SEMA6C: variants seen among roughly 807,000 people sequenced by gnomAD.
SEMA6C encodes the protein semaphorin-6C.
SEMA6C carries 37 observed loss-of-function variants against 72.9 expected under a neutral mutation model. The observed-to-expected ratio is 0.51, with a 90% confidence interval of 0.39 to 0.67. The LOEUF (loss-of-function observed/expected upper bound fraction) is 0.67. Among genes scored for constraint, SEMA6C ranks in the 30% least tolerant of loss-of-function variants. The probability of loss-of-function intolerance (pLI) is 0.00; values close to 1 mark genes in which losing one functional copy is unlikely to be tolerated. For missense variants in SEMA6C, 1,189 were observed against 1,263.6 expected, an observed-to-expected ratio of 0.94 and a Z score of 0.89; for synonymous variants, 578 against 554.1, an observed-to-expected ratio of 1.04 and a Z score of -0.61.
intron 10 of SEMA6C, 112 bp downstream of exon 10, chr1:151,137,599 C>T: frequency 1.1e-6 from 1 of 872,694 alleles, no homozygotes; most frequent in South Asian, 1.6e-5. Context: ...GGGTGAGAGT[C>T]CAGGGGATTG....
intron 11 of SEMA6C, 131 bp from the exon 12 acceptor site, chr1:151,136,710 C>A: frequency 7.3e-7 from 1 of 1,373,662 alleles, no homozygotes; most frequent in South Asian, 1.3e-5. Flanking sequence ...CCACTGGGTG[C>A]CACACTAGGA....
chr1:151,139,425 C>T lies in SEMA6C; in HGVS notation c.354G>A (p.Thr118=), dbSNP rs199682535. 3.9e-4 allele frequency: 623 copies of T among 1,613,276 alleles called. No homozygotes were observed. The highest frequency in any genetic ancestry group is 5.1e-4 in the Non-Finnish European group (597 of 1,179,310). The change falls in exon 6 of 19, where the codon ACG becomes ACA. Residue 118 remains threonine, a splice_region_variant and synonymous_variant. Coordinates refer to ENST00000368914, the MANE Select transcript of SEMA6C (RefSeq NM_030913.6). The part of the protein sequence containing the change: ...VENCAVRGKL[T]DECYNYIRVL... ...TCCACATTCTCGTCTCACTCCTTAC[C>T]GTCAGCTTTCCCCGTACAGCACAGT...
At chr1:151,144,649 G>A (rs1682804027) in intron 1 of SEMA6C, among the ~76,000 whole-genome samples, 1 of 152,146 alleles carries the variant, frequency 6.6e-6, no homozygotes, top group Non-Finnish European at 1.5e-5. Context: ...GAAGGGGATG[G>A]CCCCTTTCTA....
chr1:151,132,813 C>T lies in SEMA6C; in HGVS notation c.2464G>A (p.Val822Met). 4.6e-6 allele frequency: 6 copies of T among 1,313,318 alleles called. No individual in the cohort carries two copies. The South Asian group carries it at 6.0e-5, about 13-fold the overall frequency. 81.4% of individuals were successfully genotyped at this position (1,313,318 alleles called of 1,614,324 possible). The change falls in exon 19 of 19, where the codon GTG (valine) becomes ATG (methionine). Residue 822 changes from valine (V) to methionine (M), a missense_variant. Around this residue, in one of 2 missense-constraint regions of SEMA6C, gnomAD observed 721 missense variants for 686.2 expected, o/e 1.05. Transcript: ENST00000368914. Reference sequence around the variant, plus strand: ...GAGGCGCACCTGCCCTCGGGGGGCACGTCCAGCCTCAGCGGCGAGGCGCAC... The same window carrying T: ...GAGGCGCACCTGCCCTCGGGGGGCATGTCCAGCCTCAGCGGCGAGGCGCAC... ...HECASPLRLD[V>M]PPEGRCASAP... is the part of the protein sequence containing the mutation.
In SEMA6C at chr1:151,135,203, G is replaced by A. The variant is rs375997813; in HGVS notation, c.1540C>T (p.Leu514Phe). ...TGCCGGGCACACCGGCTGAGAGGGA[G>A]GTAGACAATACAGCCAGAAAAAGCC... ...FVAFSGCIVY[L>F]PLSRCARHGA... Residue 514 changes from leucine (L) to phenylalanine (F), a missense_variant, in exon 15 of 19, where the codon CTC becomes TTC. By Grantham distance (22) the Leu-to-Phe change is conservative (BLOSUM62 0). Around this residue, in one of 2 missense-constraint regions of SEMA6C, gnomAD observed 721 missense variants for 686.2 expected, o/e 1.05. Coordinates refer to ENST00000368914, the MANE Select transcript of SEMA6C (RefSeq NM_030913.6). 10 of 1,614,036 alleles carry A rather than the reference G, an allele frequency of 6.2e-6. No homozygotes were observed. Among genetic ancestry groups the A allele is most frequent in the Middle Eastern group, 1.6e-4 (1 of 6,084 alleles).
rs756718753 is a variant in SEMA6C, at chr1:151,134,693, TG to T, written c.1659-19del. 8.4e-5 allele frequency: 136 copies of T among 1,613,874 alleles called. 1 individual carries two copies. In the African/African-American group the frequency reaches 1.6e-3, roughly 19 times the overall value. On this transcript the variant is annotated intron_variant, in intron 16 of 18. Coordinates refer to ENST00000368914, the MANE Select transcript of SEMA6C (RefSeq NM_030913.6). ...CATCAGTCCTAGGAGGAAAACGAAGTGGCTATAGAATTCTGTACGTTGTCCG... is the reference window on the plus strand; with the variant it reads ...CATCAGTCCTAGGAGGAAAACGAAGTGCTATAGAATTCTGTACGTTGTCCG...
At chr1:151,134,933 T>C in intron 15 of SEMA6C, 58 bp from the exon 16 acceptor site, 2 of 1,527,602 alleles carry the variant, frequency 1.3e-6, no homozygotes, top group Middle Eastern at 2.0e-4. Flanking sequence ...CACTTTCCAT[T>C]CTGCTGCCTT....
In SEMA6C at chr1:151,132,673, G is replaced by A; in HGVS notation, c.2604C>T (p.Pro868=). 6.5e-7 allele frequency: 1 copy of A among 1,546,746 alleles called. No homozygotes were observed. The part of the protein sequence containing the change: ...RAPPALLTRV[P]SGGPSRYSGG... ...CGGAGTACCTGGAGGGACCTCCCGA[G>A]GGGACTCGAGTGAGCAGGGCAGGGG... Residue 868 remains proline (P), a synonymous_variant, in exon 19 of 19, where the codon CCC becomes CCT. Transcript: ENST00000368914.
chr1:151,134,629 C>G lies in SEMA6C; in HGVS notation c.1705G>C (p.Asp569His). ...AGNQESMEHG[D>H]CQDGATGSQS... ...TGCCTCTTCTGTTTACCTTGGCAGT[C>G]ACCATGCTCCATGGATTCCTGGTTC... Residue 569 changes from aspartate (D) to histidine (H), a missense_variant, in exon 17 of 19, where the codon GAC becomes CAC. Coordinates refer to ENST00000368914, the MANE Select transcript of SEMA6C (RefSeq NM_030913.6). The G allele has an allele frequency of 6.2e-7, 1 of 1,614,216 alleles. No homozygotes were observed. The highest frequency in any genetic ancestry group is 1.1e-5 in the South Asian group (1 of 91,078).
In SEMA6C at chr1:151,134,448, AT is replaced by A. The variant is rs1347443818; in HGVS notation, c.1715-4del. ...AGACTGACTCCCAGTAGCTCCATCT[AT>A]GAAGAAGGGACAGGGTGAAGATGGG... On this transcript the variant is annotated splice_polypyrimidine_tract_variant and splice_region_variant and intron_variant, in intron 17 of 18. Coordinates refer to ENST00000368914, the MANE Select transcript of SEMA6C (RefSeq NM_030913.6). 10 of 1,603,946 alleles carry A rather than the reference AT, an allele frequency of 6.2e-6. No homozygotes were observed. Among genetic ancestry groups the A allele is most frequent in the Non-Finnish European group, 7.7e-6 (9 of 1,174,948 alleles).
Position 151,134,392 on chromosome 1 carries a change from A to G in SEMA6C, c.1759+9T>C, listed in dbSNP as rs780900476. 13 of 1,580,830 alleles carry G rather than the reference A, an allele frequency of 8.2e-6. No homozygotes were observed. In the South Asian group the frequency reaches 1.4e-4, roughly 17 times the overall value. On this transcript the variant is annotated intron_variant, in intron 18 of 18. Coordinates refer to ENST00000368914, the MANE Select transcript of SEMA6C (RefSeq NM_030913.6). ...CAAGGGAAGGTGAGGTTGGGACAAG[A>G]GGACTCACCATAAGCAGAATCCCCA...
At position 151,136,570 on chromosome 1, in the gene SEMA6C, G is replaced by T; in HGVS notation, c.984C>A (p.Gly328=). The T allele has an allele frequency of 1.9e-6, 3 of 1,614,058 alleles. No homozygotes were observed. The highest frequency in any genetic ancestry group is 2.5e-6 in the Non-Finnish European group (3 of 1,180,000). The part of the protein sequence containing the change: ...VFTTQTNSIP[G]SAVCAFYLDE... ...CCAGGTAGAAGGCGCAGACGGCAGAGCCAGGGATGCTGGAGGAGCCAGAAA... is the reference window on the plus strand; with the variant it reads ...CCAGGTAGAAGGCGCAGACGGCAGATCCAGGGATGCTGGAGGAGCCAGAAA... The change falls in exon 12 of 19, where the codon GGC becomes GGA. Residue 328 remains glycine (G), a synonymous_variant. Transcript: ENST00000368914.
chr1:151,133,218 G>A lies in SEMA6C; in HGVS notation c.2059C>T (p.Pro687Ser). The A allele has an allele frequency of 6.3e-7, 1 of 1,577,468 alleles. No individual in the cohort carries two copies. The highest frequency in any genetic ancestry group is 8.6e-7 in the Non-Finnish European group (1 of 1,168,596). The change falls in exon 19 of 19, where the codon CCG (proline) becomes TCG (serine). Residue 687 changes from proline (P) to serine (S), a missense_variant. By Grantham distance (74) the Pro-to-Ser change is moderately conservative. This residue lies in a region of SEMA6C where 721 missense variants were observed against 686.2 expected (regional missense o/e 1.05). Coordinates refer to ENST00000368914, the MANE Select transcript of SEMA6C (RefSeq NM_030913.6). This position sits in a 1 kb window ranked among gnomAD's most constrained non-coding sequence, Gnocchi z 5.9. ...PQLYTTFLPP[P>S]EGVPPPELAC... is the part of the protein sequence containing the mutation. ...AGCTCCGGCGGGGGCACGCCCTCCGGAGGCGGCAGGAAGGTGGTGTAGAGC... is the reference window on the plus strand; with the variant it reads ...AGCTCCGGCGGGGGCACGCCCTCCGAAGGCGGCAGGAAGGTGGTGTAGAGC...
At chr1:151,135,803 G>A (rs1681972819) in intron 13 of SEMA6C, 39 bp from the exon 14 acceptor site, 1 of 1,604,480 alleles carries the variant, frequency 6.2e-7, no homozygotes, top group Non-Finnish European at 8.5e-7. Flanking sequence ...CCTGTCTAGT[G>A]GAAACCTGAG....
chr1:151,134,671 C>G lies in SEMA6C; in HGVS notation c.1663G>C (p.Asp555His). The G allele has an allele frequency of 6.2e-7, 1 of 1,614,166 alleles. No individual in the cohort carries two copies. Among genetic ancestry groups the G allele is most frequent in the East Asian group, 2.2e-5 (1 of 44,888 alleles). ...TCCTGGTTCCCAGCCTGATCCACAT[C>G]AGTCCTAGGAGGAAAACGAAGTGGC... ...CVDIRGSGGT[D>H]VDQAGNQESM... Residue 555 changes from aspartate to histidine, a missense_variant, in exon 17 of 19, where the codon GAT (aspartate) becomes CAT (histidine). Around this residue, in one of 2 missense-constraint regions of SEMA6C, gnomAD observed 721 missense variants for 686.2 expected, o/e 1.05. Transcript: ENST00000368914.
intron 3 of SEMA6C, among the ~76,000 whole-genome samples, chr1:151,141,732 CTT>C (rs34150016): frequency 9.3e-6 from 1 of 107,102 alleles, no homozygotes; most frequent in Non-Finnish European, 1.7e-5. Context: ...TTTTAATCGG[CTT>C]TTTTTTTTTT....
Position 151,139,424 on chromosome 1 carries a change from C to T in SEMA6C, c.354+1G>A. On this transcript the variant is annotated splice_donor_variant, in intron 6 of 18. Coordinates refer to ENST00000368914, the MANE Select transcript of SEMA6C (RefSeq NM_030913.6). LOFTEE classifies it high-confidence loss of function. Reference sequence around the variant, plus strand: ...CTCCACATTCTCGTCTCACTCCTTACCGTCAGCTTTCCCCGTACAGCACAG... The same window carrying T: ...CTCCACATTCTCGTCTCACTCCTTATCGTCAGCTTTCCCCGTACAGCACAG... 1.2e-6 allele frequency: 2 copies of T among 1,613,252 alleles called. No homozygotes were observed. The highest frequency in any genetic ancestry group is 1.7e-6 in the Non-Finnish European group (2 of 1,179,168).
intron 2 of SEMA6C, among the ~76,000 whole-genome samples, chr1:151,143,815 G>A (rs941466183): frequency 6.6e-6 from 1 of 152,146 alleles, no homozygotes; most frequent in African/African-American, 2.4e-5. Flanking sequence ...CAAGAAGGGT[G>A]AGACTCCTTT....
In SEMA6C at chr1:151,131,855, T is replaced by G; in HGVS notation, c.*629A>C. On this transcript the variant is annotated 3_prime_UTR_variant, in exon 19 of 19. Transcript: ENST00000368914. Reference sequence around the variant, plus strand: ...CAGCCTCAACTAAACTTTACCGGGGTCCCCCTGGCCCTGGCTCACCTCGAC... The same window carrying G: ...CAGCCTCAACTAAACTTTACCGGGGGCCCCCTGGCCCTGGCTCACCTCGAC... 1 of 168,064 alleles carries G rather than the reference T, an allele frequency of 6.0e-6. No individual in the cohort carries two copies. Among genetic ancestry groups the G allele is most frequent in the Non-Finnish European group, 1.3e-5 (1 of 76,900 alleles). 10.4% of individuals were successfully genotyped at this position (168,064 alleles called of 1,614,324 possible).
Sources: gnomAD v4.1 joint callset for allele counts (sites outside exome capture counted in the v4.1 genomes callset) on GRCh38, gnomAD v4.1.1 for gene constraint, gnomAD v4.1.1 regional missense constraint, Gnocchi (gnomAD v3.1) non-coding constraint, MANE v1.5 for transcripts, NCBI Gene and HGNC (gene_info 2026-07-23, HGNC 2026-07-21) for gene names.